SNTG1: variants seen among roughly 807,000 people sequenced by gnomAD.
SNTG1 encodes syntrophin gamma 1.
SNTG1 carries 39 observed loss-of-function variants against 74.7 expected under a neutral mutation model. The ratio of observed to expected loss-of-function variants is 0.52; its 90% confidence interval spans 0.40 to 0.68. SNTG1 has a LOEUF of 0.68. Ranked by LOEUF, SNTG1 falls within the 30% of genes least tolerant of loss-of-function variation. The probability of loss-of-function intolerance (pLI) is 0.00; values close to 1 mark genes in which losing one functional copy is unlikely to be tolerated. For synonymous variants in SNTG1, 254 were observed against 217.1 expected (o/e 1.17, Z -1.49); for missense variants, 685 against 609.5 (o/e 1.12, Z -1.30).
chr8:50,228,598 A>T (rs537996620), intron 2 of SNTG1, among the ~76,000 whole-genome samples: 2 of 151,996 alleles, frequency 1.3e-5, no homozygotes, highest in African/African-American at 4.8e-5. Context: ...TCAAAAACCA[A>T]CCCAGCCAGA....
chr8:50,764,085 G>A (rs1351822144), intron 18 of SNTG1, among the ~76,000 whole-genome samples: 8 of 151,818 alleles, frequency 5.3e-5, no homozygotes, highest in Admixed American at 4.6e-4. Context: ...GAAAAGAACA[G>A]TCTCCAATAA....
intron 1 of SNTG1, among the ~76,000 whole-genome samples, chr8:50,053,804 C>T (rs1050812360): frequency 1.3e-5 from 2 of 151,916 alleles, no homozygotes; most frequent in African/African-American, 4.8e-5. Context: ...AACACAAACC[C>T]CACCACAACA....
chr8:50,184,466 C>T (rs2083313630), intron 2 of SNTG1, among the ~76,000 whole-genome samples: 1 of 152,064 alleles, frequency 6.6e-6, no homozygotes, highest in African/African-American at 2.4e-5. Context: ...GCCCGGCCTA[C>T]ATCTTAAAAT....
chr8:50,167,915 C>A (rs1437655930), intron 1 of SNTG1, among the ~76,000 whole-genome samples: 1 of 151,490 alleles, frequency 6.6e-6, no homozygotes, highest in Non-Finnish European at 1.5e-5. Context: ...AATTAGTTTG[C>A]ATATCATTAT....
At chr8:50,466,369 A>G (rs1051949369) in intron 8 of SNTG1, among the ~76,000 whole-genome samples, 3 of 151,450 alleles carry the variant, frequency 2.0e-5, no homozygotes, top group Non-Finnish European at 3.0e-5. Flanking sequence ...ATGTGGAGCT[A>G]TTTCTGGTCT....
At chr8:50,352,126 A>T (rs1325960807) in intron 2 of SNTG1, among the ~76,000 whole-genome samples, 3 of 152,174 alleles carry the variant, frequency 2.0e-5, no homozygotes, top group Non-Finnish European at 2.9e-5. Flanking sequence ...CAGTGATCTT[A>T]TTTCTAGAGA....
intron 1 of SNTG1, among the ~76,000 whole-genome samples, chr8:50,102,089 G>A (rs932841709): frequency 7.9e-5 from 12 of 151,798 alleles, no homozygotes; most frequent in Admixed American, 3.9e-4. Context: ...TGGAATGGCT[G>A]GGTCAAATGG....
At chr8:50,563,947 A>G (rs1448352247) in intron 12 of SNTG1, among the ~76,000 whole-genome samples, 1 of 152,172 alleles carries the variant, frequency 6.6e-6, no homozygotes, top group African/African-American at 2.4e-5. Context: ...ACAACTTAAT[A>G]TTAGGAAATA....
At chr8:50,626,817 A>G (rs543983594) in intron 13 of SNTG1, among the ~76,000 whole-genome samples, 2 of 152,238 alleles carry the variant, frequency 1.3e-5, no homozygotes, top group South Asian at 2.1e-4. Flanking sequence ...GATTTTGTTT[A>G]TGGCCAGTTT....
At chr8:50,591,837 A>G (rs1034436617) in intron 13 of SNTG1, among the ~76,000 whole-genome samples, 4 of 152,184 alleles carry the variant, frequency 2.6e-5, no homozygotes, top group African/African-American at 9.7e-5. Flanking sequence ...TCCTACCTTA[A>G]GTCCCTCTGC....
chr8:50,285,702 G>A (rs976368036), intron 2 of SNTG1, among the ~76,000 whole-genome samples: 12 of 150,820 alleles, frequency 8.0e-5, no homozygotes, highest in Admixed American at 2.0e-4. Flanking sequence ...GCGACTTCTG[G>A]ACAGAAATAA....
At chr8:49,913,081 A>G (rs1585472267) in intron 1 of SNTG1, among the ~76,000 whole-genome samples, 1 of 152,214 alleles carries the variant, frequency 6.6e-6, no homozygotes, top group Non-Finnish European at 1.5e-5. Flanking sequence ...TGACCTTGAT[A>G]AGCATTCTGC....
chr8:50,519,159 T>A lies in SNTG1; in HGVS notation c.467-11018T>A, dbSNP rs185135124. Among the ~76,000 whole-genome samples the A allele has an allele frequency of 4.7e-4, 72 of 152,122 alleles. 1 individual carries two copies. Among genetic ancestry groups the A allele is most frequent in the Non-Finnish European group, 8.5e-4 (58 of 68,008 alleles). ...GCAAGCCTGGTTAAACATACACAAA[T>A]CAATAAATGTAATCCATCACATAAA... On this transcript the variant is annotated intron_variant, in intron 9 of 18. Transcript: ENST00000642720.
At chr8:50,242,547 AC>A (rs2086212267) in intron 2 of SNTG1, among the ~76,000 whole-genome samples, 12 of 5,764 alleles carry the variant, frequency 2.1e-3, no homozygotes, top group East Asian at 0.071. Flanking sequence ...AAAAAAAAAC[AC>A]ACCAGGAAAT....
intron 1 of SNTG1, among the ~76,000 whole-genome samples, chr8:49,927,572 G>T (rs1162318268): frequency 2.0e-5 from 3 of 152,028 alleles, no homozygotes; most frequent in African/African-American, 7.2e-5. Context: ...ACCTAGAAAG[G>T]CTACATATTA....
At chr8:50,498,876 G>C (rs2093926863) in intron 8 of SNTG1, among the ~76,000 whole-genome samples, 1 of 151,648 alleles carries the variant, frequency 6.6e-6, no homozygotes, top group Admixed American at 6.6e-5. Context: ...TTGCAACATT[G>C]TTGAAAAATT....
chr8:50,091,870 T>A (rs1040045640), intron 1 of SNTG1, among the ~76,000 whole-genome samples: 13 of 152,116 alleles, frequency 8.5e-5, no homozygotes, highest in African/African-American at 2.9e-4. Flanking sequence ...CCACATAATT[T>A]TAATTAAAAT....
intron 2 of SNTG1, among the ~76,000 whole-genome samples, chr8:50,348,363 G>T (rs967119376): frequency 6.6e-6 from 1 of 152,114 alleles, no homozygotes; most frequent in African/African-American, 2.4e-5. Context: ...ACTGGATTCT[G>T]TCCCTGCACC....
At chr8:50,452,291 A>T (rs2131632020) in intron 8 of SNTG1, among the ~76,000 whole-genome samples, 1 of 152,348 alleles carries the variant, frequency 6.6e-6, no homozygotes, top group African/African-American at 2.4e-5. Context: ...ATGTGCAAAA[A>T]AACTAATATT....
Sources: allele counts gnomAD v4.1 joint callset (sites outside exome capture counted in the v4.1 genomes callset), GRCh38; gene constraint gnomAD v4.1.1; transcripts MANE v1.5; gene names NCBI Gene and HGNC (gene_info 2026-07-23, HGNC 2026-07-21).